Variants in GLIS3 observed in about 807,000 individuals in gnomAD.
The protein encoded by GLIS3 is GLIS family zinc finger 3, also known as zinc finger protein GLIS3.
In GLIS3, 53 loss-of-function variants were observed where a neutral mutation model predicts 78.6. The ratio of observed to expected loss-of-function variants is 0.67; its 90% CI spans 0.54 to 0.85. The LOEUF is 0.85. Ranked by LOEUF, GLIS3 falls within the 40% of genes least tolerant of loss-of-function variation. GLIS3 has a pLI of 0.00. For missense variants in GLIS3, 1,703 were observed against 1,231.1 expected (o/e 1.38, Z -5.74); for synonymous variants, 684 against 509.9 (o/e 1.34, Z -4.60).
At chr9:4,136,084 G>A (rs1833387881) in intron 2 of GLIS3, among the ~76,000 whole-genome samples, 1 of 152,180 alleles carries the variant, frequency 6.6e-6, no homozygotes, top group South Asian at 2.1e-4. Flanking sequence ...CAGGGGCAAA[G>A]CAATCGAATT....
chr9:4,335,404 T>C (rs1478817588), intron 2 of GLIS3, among the ~76,000 whole-genome samples: 2 of 152,224 alleles, frequency 1.3e-5, no homozygotes, highest in Middle Eastern at 3.2e-3. Context: ...CCTCAGTTGC[T>C]CGTAAACTTG....
intron 2 of GLIS3, among the ~76,000 whole-genome samples, chr9:4,199,433 T>C (rs1351206702): frequency 6.7e-6 from 1 of 150,054 alleles, no homozygotes; most frequent in East Asian, 1.9e-4. Flanking sequence ...TAAAACAGAC[T>C]TTTATAACAT....
At chr9:4,261,948 A>C (rs978962136) in intron 2 of GLIS3, among the ~76,000 whole-genome samples, 59 of 152,356 alleles carry the variant, frequency 3.9e-4, no homozygotes, top group Middle Eastern at 6.8e-3. Context: ...TCTCCAGCAG[A>C]TGCAGGGGGT....
intron 2 of GLIS3, among the ~76,000 whole-genome samples, chr9:4,127,918 A>C (rs966552448): frequency 2.0e-4 from 30 of 152,220 alleles, no homozygotes; most frequent in Non-Finnish European, 4.1e-4. Flanking sequence ...ATACTACTTG[A>C]TGGCAAAACA....
chr9:4,191,434 T>C (rs1586929343), intron 2 of GLIS3, among the ~76,000 whole-genome samples: 1 of 152,206 alleles, frequency 6.6e-6, no homozygotes, highest in South Asian at 2.1e-4. Context: ...AAATACCTCA[T>C]CTGCAAGAGG....
At chr9:4,164,860 G>T (rs1205499077) in intron 2 of GLIS3, among the ~76,000 whole-genome samples, 1 of 152,186 alleles carries the variant, frequency 6.6e-6, no homozygotes, top group African/African-American at 2.4e-5. Flanking sequence ...ACAAAAAGAT[G>T]CTTAATCTTG....
At chr9:4,389,142 G>T in the GLIS3 span, among the ~76,000 whole-genome samples, 1 of 152,172 alleles carries the variant, frequency 6.6e-6, no homozygotes, top group Non-Finnish European at 1.5e-5. Context: ...TTAACTGACT[G>T]AATCATTAGG....
At chr9:4,425,078 G>T in the GLIS3 span, among the ~76,000 whole-genome samples, 4 of 152,056 alleles carry the variant, frequency 2.6e-5, no homozygotes, top group Non-Finnish European at 5.9e-5. Flanking sequence ...AGTCATCCTG[G>T]ATCATGAAGC....
At chr9:4,321,143 G>A (rs538327099) in intron 2 of GLIS3, among the ~76,000 whole-genome samples, 10 of 151,310 alleles carry the variant, frequency 6.6e-5, no homozygotes, top group South Asian at 2.1e-4. Flanking sequence ...TCTCAAGGCC[G>A]GGCGCGGTGG....
At chr9:4,037,204 A>AT (rs1824388768) in intron 4 of GLIS3, among the ~76,000 whole-genome samples, 1 of 152,182 alleles carries the variant, frequency 6.6e-6, no homozygotes. Context: ...TGTTAATTTC[A>AT]TTTCGAGAAA....
intron 6 of GLIS3, chr9:3,900,715 A>T (rs1443621368): frequency 6.6e-6 from 1 of 152,232 alleles, no homozygotes; most frequent in Non-Finnish European, 1.5e-5. Flanking sequence ...AAAAATACAC[A>T]GACAAAATAT....
rs1188761230 is a variant in GLIS3, at chr9:3,852,528, A to C, written c.2473+3481T>G. Among the ~76,000 whole-genome samples, 3 of 152,232 alleles carry C rather than the reference A, an allele frequency of 2.0e-5. No homozygotes were observed. The East Asian group carries it at 5.8e-4, about 29-fold the overall frequency. On this transcript the variant is annotated intron_variant, in intron 9 of 10. Coordinates refer to ENST00000381971, the MANE Select transcript of GLIS3 (RefSeq NM_001042413.2). ...ACAAAAGCTGAAAGGCATGATCAAT[A>C]AATGCAACTCATTAAGAAGGTCTCA...
At chr9:4,107,087 G>GA (rs898049709) in intron 4 of GLIS3, among the ~76,000 whole-genome samples, 5 of 151,862 alleles carry the variant, frequency 3.3e-5, no homozygotes, top group Non-Finnish European at 5.9e-5. Flanking sequence ...GCACTGGAAA[G>GA]AAAAAAAATA....
intron 2 of GLIS3, among the ~76,000 whole-genome samples, chr9:4,138,601 C>G (rs1411813984): frequency 6.6e-6 from 1 of 152,098 alleles, no homozygotes; most frequent in Non-Finnish European, 1.5e-5. Context: ...ATTATGGAGG[C>G]AGCATGGGGG....
chr9:3,940,884 A>AAC (rs1815846209), intron 4 of GLIS3, among the ~76,000 whole-genome samples: 1 of 152,212 alleles, frequency 6.6e-6, no homozygotes. Flanking sequence ...GTGTGCATGA[A>AAC]AGCAAGGTCA....
intron 2 of GLIS3, among the ~76,000 whole-genome samples, chr9:4,247,850 T>G (rs1321391982): frequency 6.6e-6 from 1 of 152,192 alleles, no homozygotes; most frequent in Non-Finnish European, 1.5e-5. Context: ...AGTGATTAAA[T>G]CAAGCTAATT....
chr9:4,209,583 G>A (rs1820204776), intron 2 of GLIS3, among the ~76,000 whole-genome samples: 1 of 152,114 alleles, frequency 6.6e-6, no homozygotes, highest in Non-Finnish European at 1.5e-5. Context: ...AAAAATCACA[G>A]TAATTCCATT....
chr9:4,417,594 C>CA, the GLIS3 span, among the ~76,000 whole-genome samples: 1 of 152,074 alleles, frequency 6.6e-6, no homozygotes, highest in Non-Finnish European at 1.5e-5. Context: ...CCTATACATG[C>CA]AATTTGGGGC....
the GLIS3 span, among the ~76,000 whole-genome samples, chr9:4,444,184 C>G: frequency 6.6e-6 from 1 of 152,180 alleles, no homozygotes; most frequent in Non-Finnish European, 1.5e-5. Context: ...TTCAGACTGC[C>G]CTTGTACCAA....
Sources: allele counts gnomAD v4.1 joint callset (sites outside exome capture counted in the v4.1 genomes callset), GRCh38; gene constraint gnomAD v4.1.1; transcripts MANE v1.5; gene names NCBI Gene and HGNC (gene_info 2026-07-23, HGNC 2026-07-21).